NUBP1: variants seen among roughly 807,000 people sequenced by gnomAD.
NUBP1 encodes the protein NUBP iron-sulfur cluster assembly factor 1, cytosolic, also known as cytosolic Fe-S cluster assembly factor NUBP1.
NUBP1 carries 46 observed loss-of-function variants against 41.8 expected under a neutral mutation model. That is an observed-to-expected ratio of 1.10 (90% CI 0.87 to 1.41). The LOEUF (loss-of-function observed/expected upper bound fraction) is 1.41, where lower values mean the gene tolerates loss of function less well. NUBP1 is among the 40% of genes most tolerant of loss of function. NUBP1 has a pLI of 0.00. For missense variants in NUBP1, 494 were observed against 414.0 expected (o/e 1.19, Z -1.68); for synonymous variants, 189 against 154.6 (o/e 1.22, Z -1.65).
intron 4 of NUBP1, among the ~76,000 whole-genome samples, chr16:10,753,002 C>G (rs1900393225): frequency 6.6e-6 from 1 of 152,102 alleles, no homozygotes; most frequent in South Asian, 2.1e-4. Context: ...ACTACGTTGG[C>G]CAAGCTGGGC....
chr16:10,743,965 TC>T lies in NUBP1; in HGVS notation c.26del (p.Pro9GlnfsTer35). 6.3e-7 allele frequency: 1 copy of T among 1,585,980 alleles called. No individual in the cohort carries two copies. The highest frequency in any genetic ancestry group is 8.5e-7 in the Non-Finnish European group (1 of 1,170,834). On this transcript the variant is annotated frameshift_variant, in exon 2 of 11. Transcript: ENST00000283027. LOFTEE classifies it high-confidence loss of function. MEEVPHDCPGADSAQAGRG... is the reference protein window; with the variant it reads MEEVPHDCXGADSAQAGRG... ...TGTGGTCTTGTCTCTGCGCAGACTGTCCAGGGGCCGACAGCGCCCAGGCGGG... is the reference window on the plus strand; with the variant it reads ...TGTGGTCTTGTCTCTGCGCAGACTGTCAGGGGCCGACAGCGCCCAGGCGGG...
At position 10,765,327 on chromosome 16, in the gene NUBP1, TAAAA is replaced by T. The variant is rs533208449; in HGVS notation, c.821-2603_821-2600del. Among the ~76,000 whole-genome samples the T allele has an allele frequency of 3.1e-4, 35 of 111,258 alleles. 1 individual carries two copies. Among genetic ancestry groups the T allele is most frequent in the Non-Finnish European group, 5.3e-4 (30 of 56,632 alleles). The allele number at this position is 111,258 out of a possible 152,430, so 73.0% of individuals were successfully genotyped here. A position where few individuals can be genotyped will look rare whatever the true frequency, so the allele number is the denominator to read the frequency against. On this transcript the variant is annotated intron_variant, in intron 9 of 10. Coordinates refer to ENST00000283027, the MANE Select transcript of NUBP1 (RefSeq NM_002484.4). The surrounding 1 kb of genome is among the most constrained non-coding windows in gnomAD (Gnocchi z 4.0). ...TAACACAGGAAGATACCTCATCTCT[TAAAA>T]AAAAAAAAAAAAAAAAAAGGAAAAA...
chr16:10,755,892 G>T, intron 5 of NUBP1, 139 bp downstream of exon 5: 1 of 759,894 alleles, frequency 1.3e-6, no homozygotes, highest in Non-Finnish European at 2.2e-6. Flanking sequence ...CCAGTGATTG[G>T]CAGGCTTTTT....
rs564302332 is a variant in NUBP1 at position 10,769,141 on chromosome 16, C to T, written c.*36C>T. ...TGTTCAGGACCAAGCAGTTACCGAG[C>T]GAGGCACTCACTGGGCAGCACATCC... is the stretch of plus-strand genomic sequence containing the variant. On this transcript the variant is annotated 3_prime_UTR_variant, in exon 11 of 11. Transcript: ENST00000283027. 55 of 1,601,876 alleles carry T rather than the reference C, an allele frequency of 3.4e-5. No individual in the cohort carries two copies. Among genetic ancestry groups the T allele is most frequent in the South Asian group, 2.2e-4 (20 of 90,716 alleles).
intron 3 of NUBP1, among the ~76,000 whole-genome samples, chr16:10,751,253 G>A (rs1167939253): frequency 2.0e-5 from 3 of 152,238 alleles, no homozygotes; most frequent in Non-Finnish European, 4.4e-5. Context: ...CTAGAAACCT[G>A]AGAGTATCGA....
In NUBP1 at chr16:10,768,070, G is replaced by C. The variant is rs776504881; in HGVS notation, c.904+38G>C. ...ATGAGTACTAAATGCAGATGCCTGT[G>C]GGGCAGGAAGCAACATAAAGGAGCC... On this transcript the variant is annotated intron_variant, in intron 10 of 10. Transcript: ENST00000283027. This position sits in a 1 kb window ranked among gnomAD's most constrained non-coding sequence, Gnocchi z 4.3. The C allele has an allele frequency of 1.9e-6, 3 of 1,594,148 alleles. No homozygotes were observed. Among genetic ancestry groups the C allele is most frequent in the Non-Finnish European group, 2.6e-6 (3 of 1,162,994 alleles).
At position 10,746,923 on chromosome 16, in the gene NUBP1, G is replaced by A. The variant is rs193133739; in HGVS notation, c.125-220G>A. Among the ~76,000 whole-genome samples the A allele has an allele frequency of 5.1e-3, 769 of 152,244 alleles. 3 individuals are homozygous for A. Among genetic ancestry groups the A allele is most frequent in the Middle Eastern group, 0.024 (7 of 292 alleles). On this transcript the variant is annotated intron_variant, in intron 2 of 10. Coordinates refer to ENST00000283027, the MANE Select transcript of NUBP1 (RefSeq NM_002484.4). Reference sequence around the variant, plus strand: ...TATGTTCTAGTTGGGGGAGACAAACGTGTAAACCAATAAATGAGACCCCTT... The same window carrying A: ...TATGTTCTAGTTGGGGGAGACAAACATGTAAACCAATAAATGAGACCCCTT...
At chr16:10,752,735 C>G in intron 4 of NUBP1, 57 bp downstream of exon 4, 4 of 1,403,440 alleles carry the variant, frequency 2.9e-6, no homozygotes, top group Non-Finnish European at 4.0e-6. Flanking sequence ...CTCTGTAGCA[C>G]TGAACTGTCA....
At position 10,769,214 on chromosome 16, in the gene NUBP1, C is replaced by G; in HGVS notation, c.*109C>G. The G allele has an allele frequency of 1.1e-6, 1 of 921,780 alleles. No homozygotes were observed. The highest frequency in any genetic ancestry group is 2.5e-5 in the East Asian group (1 of 40,398). 57.1% of individuals were successfully genotyped at this position (921,780 alleles called of 1,614,324 possible). On this transcript the variant is annotated 3_prime_UTR_variant, in exon 11 of 11. Coordinates refer to ENST00000283027, the MANE Select transcript of NUBP1 (RefSeq NM_002484.4). The stretch of plus-strand genomic sequence containing the variant: ...GATGGGGTGGGTCACAGCAAAAGGA[C>G]CAGATGCTGGTGTGGTCCGAAGCCA...
In NUBP1 at chr16:10,748,964, G is replaced by A. The variant is rs1037851522; in HGVS notation, c.258+1688G>A. Among the ~76,000 whole-genome samples the A allele has an allele frequency of 5.3e-5, 8 of 152,004 alleles. No individual in the cohort carries two copies. The South Asian group carries it at 1.2e-3, about 24-fold the overall frequency. Reference sequence around the variant, plus strand: ...AAATTAGCTGGGCATGGTGGTACGTGCCTGTAGTCTTAGCTACTCGGGAGG... The same window carrying A: ...AAATTAGCTGGGCATGGTGGTACGTACCTGTAGTCTTAGCTACTCGGGAGG... On this transcript the variant is annotated intron_variant, in intron 3 of 10. Transcript: ENST00000283027.
chr16:10,752,627 C>A lies in NUBP1; in HGVS notation c.276C>A (p.Ile92=), dbSNP rs781324688. The A allele has an allele frequency of 1.2e-6, 2 of 1,613,478 alleles. No homozygotes were observed. Among genetic ancestry groups the A allele is most frequent in the South Asian group, 2.2e-5 (2 of 91,048 alleles). ...GTCCCCAGATTGCTCTTCTAGACAT[C>A]GATATATGTGGGCCATCGATTCCCA... is the stretch of plus-strand genomic sequence containing the variant. ...DENTQIALLD[I]DICGPSIPKI... The change falls in exon 4 of 11, where the codon ATC becomes ATA. Residue 92 remains isoleucine (I), a synonymous_variant. Transcript: ENST00000283027.
Position 10,757,764 on chromosome 16 carries a change from G to A in NUBP1, c.452-109G>A. The A allele has an allele frequency of 1.4e-6, 2 of 1,399,982 alleles. No homozygotes were observed. Among genetic ancestry groups the A allele is most frequent in the Non-Finnish European group, 2.0e-6 (2 of 1,024,482 alleles). 86.7% of individuals were successfully genotyped at this position (1,399,982 alleles called of 1,614,324 possible). On this transcript the variant is annotated intron_variant, in intron 6 of 10. Coordinates refer to ENST00000283027, the MANE Select transcript of NUBP1 (RefSeq NM_002484.4). The surrounding 1 kb of genome is among the most constrained non-coding windows in gnomAD (Gnocchi z 4.1). ...GATTGCTTGAGCCTCAGAGTTAAGA[G>A]CCAACCTGGGCAACATAGCAAGACC...
Position 10,765,682 on chromosome 16 carries a change from A to T in NUBP1, c.821-2267A>T, listed in dbSNP as rs962420025. 6.6e-6 allele frequency among the ~76,000 whole-genome samples: 1 copy of T among 152,064 alleles called. No individual in the cohort carries two copies. Among genetic ancestry groups the T allele is most frequent in the Admixed American group, 6.6e-5 (1 of 15,264 alleles). Reference sequence around the variant, plus strand: ...CAACCTCCATCTTCCCACCTCCCTCACACCAAGCCCTGGCATTGGCCCTGG... The same window carrying T: ...CAACCTCCATCTTCCCACCTCCCTCTCACCAAGCCCTGGCATTGGCCCTGG... On this transcript the variant is annotated intron_variant, in intron 9 of 10. Transcript: ENST00000283027. The surrounding 1 kb of genome is among the most constrained non-coding windows in gnomAD (Gnocchi z 4.0).
chr16:10,744,740 CAAT>C (rs942461290), intron 2 of NUBP1, among the ~76,000 whole-genome samples: 1 of 151,912 alleles, frequency 6.6e-6, no homozygotes, highest in South Asian at 2.1e-4. Flanking sequence ...GGCAGGAGGA[CAAT>C]ATTTTTTTTT....
chr16:10,745,830 C>G (rs1172120881), intron 2 of NUBP1, among the ~76,000 whole-genome samples: 4 of 152,226 alleles, frequency 2.6e-5, no homozygotes, highest in African/African-American at 7.2e-5. Context: ...AGGACTATCT[C>G]ATCCCATCTT....
rs781671767 is a variant in NUBP1, at chr16:10,757,987, C to T, written c.566C>T (p.Thr189Ile). The T allele has an allele frequency of 2.5e-6, 4 of 1,614,110 alleles. No homozygotes were observed. The highest frequency in any genetic ancestry group is 2.5e-6 in the Non-Finnish European group (3 of 1,180,026). The change falls in exon 7 of 11, where the codon ACA (threonine) becomes ATA (isoleucine). Residue 189 changes from threonine (T) to isoleucine (I), a missense_variant. Coordinates refer to ENST00000283027, the MANE Select transcript of NUBP1 (RefSeq NM_002484.4). This position sits in a 1 kb window ranked among gnomAD's most constrained non-coding sequence, Gnocchi z 4.1. ...CTCTCGGTCGTCCGGTACCTGGCCACAGCACACATCGATGGAGCAGTGATC... is the reference window on the plus strand; with the variant it reads ...CTCTCGGTCGTCCGGTACCTGGCCATAGCACACATCGATGGAGCAGTGATC... The part of the protein sequence containing the change: ...EHLSVVRYLA[T>I]AHIDGAVIIT...
chr16:10,744,214 G>A (rs1899954020), intron 2 of NUBP1, 149 bp downstream of exon 2: 1 of 799,208 alleles, frequency 1.3e-6, no homozygotes, highest in Non-Finnish European at 1.9e-6. Context: ...CCCAGAAGGG[G>A]CGGGGCGTGG....
At chr16:10,763,092 G>A (rs1218402856) in intron 9 of NUBP1, among the ~76,000 whole-genome samples, 4 of 152,088 alleles carry the variant, frequency 2.6e-5, no homozygotes, top group Admixed American at 2.6e-4. Flanking sequence ...GCCAGTACAA[G>A]TCACCTGGAG....
At position 10,766,233 on chromosome 16, in the gene NUBP1, T is replaced by C. The variant is rs1209799844; in HGVS notation, c.821-1716T>C. On this transcript the variant is annotated intron_variant, in intron 9 of 10. Coordinates refer to ENST00000283027, the MANE Select transcript of NUBP1 (RefSeq NM_002484.4). This position sits in a 1 kb window ranked among gnomAD's most constrained non-coding sequence, Gnocchi z 4.8. ...TGGGACTTGGGCTAGTCATTTCCGC[T>C]CTCAGCCTCGATGGCCCCGTGTGTA... 1.3e-5 allele frequency: 2 copies of C among 152,324 alleles called. No homozygotes were observed. The highest frequency in any genetic ancestry group is 2.9e-5 in the Non-Finnish European group (2 of 68,138). 9.4% of individuals were successfully genotyped at this position (152,324 alleles called of 1,614,324 possible). A position where few individuals can be genotyped will look rare whatever the true frequency, so the allele number is the denominator to read the frequency against.
Sources: gnomAD v4.1 joint callset for allele counts (sites outside exome capture counted in the v4.1 genomes callset) on GRCh38, gnomAD v4.1.1 for gene constraint, Gnocchi (gnomAD v3.1) non-coding constraint, MANE v1.5 for transcripts, NCBI Gene and HGNC (gene_info 2026-07-23, HGNC 2026-07-21) for gene names.